ZW10: variants seen among roughly 807,000 people sequenced by gnomAD.
The protein encoded by ZW10 is centromere/kinetochore protein zw10 homolog.
Under a neutral mutation model 87.8 loss-of-function variants are expected in ZW10, and 53 were observed. The ratio of observed to expected loss-of-function variants is 0.60; its 90% CI spans 0.48 to 0.76. ZW10 has a LOEUF of 0.76. Ranked by LOEUF, ZW10 falls within the 30% of genes least tolerant of loss-of-function variation. ZW10 has a pLI of 0.00. For missense variants in ZW10, 837 were observed against 923.0 expected (o/e 0.91, Z 1.21); for synonymous variants, 312 against 329.2 (o/e 0.95, Z 0.57).
Position 113,768,987 on chromosome 11 carries a change from TATATTA to T in ZW10, c.106-26_106-21del, listed in dbSNP as rs1475782272. 6.2e-7 allele frequency: 1 copy of T among 1,610,126 alleles called. No individual in the cohort carries two copies. The highest frequency in any genetic ancestry group is 1.7e-5 in the Admixed American group (1 of 59,776). On this transcript the variant is annotated intron_variant, in intron 1 of 15. Transcript: ENST00000200135. ...CTCACCCTAAAATATAAAACAGAAT[TATATTA>T]AAAGACAGTGAAATGAGTAGAGAAC...
At position 113,747,681 on chromosome 11, in the gene ZW10, G is replaced by A; in HGVS notation, c.1122C>T (p.Ala374=). Residue 374 remains alanine (A), a synonymous_variant, in exon 9 of 16, where the codon GCC becomes GCT. Transcript: ENST00000200135. ...IIQSTEEFEN[A]LKEMRFLKGD... is the part of the protein sequence containing the mutation. ...CTTTTAAAAATCTCATTTCCTTTAGGGCATTTTCAAATTCTTCAGTGGACT... is the reference window on the plus strand; with the variant it reads ...CTTTTAAAAATCTCATTTCCTTTAGAGCATTTTCAAATTCTTCAGTGGACT... 1.2e-6 allele frequency: 2 copies of A among 1,609,006 alleles called. No individual in the cohort carries two copies. Among genetic ancestry groups the A allele is most frequent in the Admixed American group, 1.7e-5 (1 of 59,880 alleles).
chr11:113,766,283 T>A (rs1387901994), intron 2 of ZW10, among the ~76,000 whole-genome samples: 1 of 152,004 alleles, frequency 6.6e-6, no homozygotes, highest in African/African-American at 2.4e-5. Context: ...GAGAATCAAA[T>A]GAGCTCAGGA....
In ZW10 at chr11:113,760,529, G is replaced by A. The variant is rs1365440247; in HGVS notation, c.404C>T (p.Ala135Val). 3.1e-6 allele frequency: 5 copies of A among 1,613,542 alleles called. No homozygotes were observed. The Admixed American group carries it at 8.3e-5, about 27-fold the overall frequency. Residue 135 changes from alanine to valine, a missense_variant, in exon 4 of 16, where the codon GCT becomes GTT. Coordinates refer to ENST00000200135, the MANE Select transcript of ZW10 (RefSeq NM_004724.4). ...ALTEKKYVTG[A>V]QRLEEAQKCL... ...ATTTAGTACCTCTTCCAGACGCTGA[G>A]CACCAGTGACATACTTCTTCTCTGT...
In ZW10 at chr11:113,736,759, G is replaced by T; in HGVS notation, c.2080C>A (p.Pro694Thr). ...TCAGATAAAGGTGCAAATACTTGGG[G>T]TCCTTCATCCATCACTGTTTTGCAT... is the stretch of plus-strand genomic sequence containing the variant. ...SLCKTVMDEG[P>T]QVFAPLSEES... Residue 694 changes from proline to threonine, a missense_variant, in exon 15 of 16, where the codon CCC becomes ACC. Physicochemically the swap from Pro to Thr is conservative, Grantham distance 38. Coordinates refer to ENST00000200135, the MANE Select transcript of ZW10 (RefSeq NM_004724.4). 1 of 1,614,108 alleles carries T rather than the reference G, an allele frequency of 6.2e-7. No individual in the cohort carries two copies. Among genetic ancestry groups the T allele is most frequent in the Middle Eastern group, 1.6e-4 (1 of 6,062 alleles).
intron 1 of ZW10, 95 bp from the exon 2 acceptor site, chr11:113,769,062 T>C: frequency 7.4e-7 from 1 of 1,352,520 alleles, no homozygotes; most frequent in Non-Finnish European, 1.0e-6. Flanking sequence ...TTTTCCATGT[T>C]AGAACCTTCT....
intron 2 of ZW10, among the ~76,000 whole-genome samples, 183 bp downstream of exon 2, chr11:113,768,650 A>C (rs1953931021): frequency 6.6e-6 from 1 of 152,202 alleles, no homozygotes; most frequent in South Asian, 2.1e-4. Context: ...AGTTATTTAA[A>C]TTGCACTTTT....
In ZW10 at chr11:113,748,348, A is replaced by G. The variant is rs1274786222; in HGVS notation, c.998T>C (p.Met333Thr). Residue 333 changes from methionine (M) to threonine (T), a missense_variant, in exon 8 of 16, where the codon ATG becomes ACG. Transcript: ENST00000200135. ...GCACTCAGACAAGTCCTCCCAGATC[A>G]TGTCTCCAAGCATCTCAGCCAATGG... ...TVPLAEMLGDMIWEDLSECLI... is the reference protein window; with the variant it reads ...TVPLAEMLGDTIWEDLSECLI... The G allele has an allele frequency of 6.2e-7, 1 of 1,613,852 alleles. No homozygotes were observed.
intron 7 of ZW10, among the ~76,000 whole-genome samples, chr11:113,752,552 G>A (rs1016015671): frequency 2.0e-5 from 3 of 152,160 alleles, no homozygotes; most frequent in Non-Finnish European, 4.4e-5. Flanking sequence ...ATATATCTGT[G>A]TCACATTTTG....
At chr11:113,737,513 G>C in intron 14 of ZW10, 59 bp downstream of exon 14, 1 of 1,442,556 alleles carries the variant, frequency 6.9e-7, no homozygotes, top group Middle Eastern at 1.9e-4. Flanking sequence ...TCTTAGCAAA[G>C]TCACAATCTG....
At chr11:113,751,604 A>C (rs768057342) in intron 7 of ZW10, among the ~76,000 whole-genome samples, 12 of 152,238 alleles carry the variant, frequency 7.9e-5, no homozygotes, top group Non-Finnish European at 1.5e-4. Flanking sequence ...GGCTGGGCGC[A>C]GTGGCTCACG....
intron 7 of ZW10, among the ~76,000 whole-genome samples, chr11:113,755,957 A>G (rs79179520): frequency 0.085 from 12,875 of 152,276 alleles, 585 homozygotes; most frequent in Middle Eastern, 0.17. Context: ...CTTAATAGAC[A>G]ACAGTACAGT....
At chr11:113,743,720 C>A in intron 10 of ZW10, 82 bp downstream of exon 10, 1 of 1,107,186 alleles carries the variant, frequency 9.0e-7, no homozygotes, top group Non-Finnish European at 1.3e-6. Context: ...CAAAGAATTC[C>A]AGCTAATTTT....
intron 7 of ZW10, among the ~76,000 whole-genome samples, chr11:113,756,467 T>G (rs1301109048): frequency 6.6e-6 from 1 of 152,180 alleles, no homozygotes; most frequent in Non-Finnish European, 1.5e-5. Context: ...ATCAATAAAG[T>G]AGACATTACA....
chr11:113,759,029 GTCAGGCGTGGTAGCACGC>G (rs1953829757), intron 5 of ZW10, among the ~76,000 whole-genome samples: 1 of 152,050 alleles, frequency 6.6e-6, no homozygotes, highest in Non-Finnish European at 1.5e-5. Context: ...TTAAAAATTG[GTCAGGCGTGGTAGCACGC>G]ACCTGTGGTC....
chr11:113,765,431 T>C (rs1268707503), intron 2 of ZW10, among the ~76,000 whole-genome samples: 2 of 152,202 alleles, frequency 1.3e-5, no homozygotes, highest in East Asian at 1.9e-4. Context: ...ACAGAAGTAA[T>C]GTGTACCACT....
intron 7 of ZW10, among the ~76,000 whole-genome samples, chr11:113,755,026 A>G (rs1953768678): frequency 6.6e-6 from 1 of 152,242 alleles, no homozygotes; most frequent in Admixed American, 6.5e-5. Context: ...ATTACTGCTT[A>G]CTGGCAATGC....
chr11:113,739,293 T>C lies in ZW10; in HGVS notation c.1673A>G (p.Gln558Arg). Reference sequence around the variant, plus strand: ...AATGGGGGCAAGACGCAATCTGAACTGATGCCCGAGGGTCAGCAAGTGGTG... The same window carrying C: ...AATGGGGGCAAGACGCAATCTGAACCGATGCCCGAGGGTCAGCAAGTGGTG... Reference protein sequence around the residue: ...IAHHLLTLGHQFRLRLAPILC... With the variant: ...IAHHLLTLGHRFRLRLAPILC... The change falls in exon 12 of 16, where the codon CAG becomes CGG. Residue 558 changes from glutamine (Q) to arginine (R), a missense_variant. Physicochemically the swap from Gln to Arg is conservative, Grantham distance 43. Coordinates refer to ENST00000200135, the MANE Select transcript of ZW10 (RefSeq NM_004724.4). 1 of 1,614,050 alleles carries C rather than the reference T, an allele frequency of 6.2e-7. No individual in the cohort carries two copies. The highest frequency in any genetic ancestry group is 8.5e-7 in the Non-Finnish European group (1 of 1,179,982).
At chr11:113,766,839 A>G (rs1953913125) in intron 2 of ZW10, among the ~76,000 whole-genome samples, 2 of 151,446 alleles carry the variant, frequency 1.3e-5, no homozygotes, top group Admixed American at 1.3e-4. Context: ...CAACATGGTG[A>G]AACCCTGTCT....
Position 113,737,578 on chromosome 11 carries a change from G to A in ZW10, c.2010C>T (p.Ala670=), listed in dbSNP as rs1434525661. 5 of 1,610,924 alleles carry A rather than the reference G, an allele frequency of 3.1e-6. No individual in the cohort carries two copies. Among genetic ancestry groups the A allele is most frequent in the Non-Finnish European group, 4.2e-6 (5 of 1,177,898 alleles). ...AISEVIGKIT[A]LEDISTEDGD... is the part of the protein sequence containing the mutation. ...AGCATCTAATGGCCCTTACCTCTAG[G>A]GCAGTAATTTTGCCAATGACCTCAG... The change falls in exon 14 of 16, where the codon GCC becomes GCT. Residue 670 remains alanine (A), a synonymous_variant. Transcript: ENST00000200135.
Sources: allele counts gnomAD v4.1 joint callset (sites outside exome capture counted in the v4.1 genomes callset), GRCh38; gene constraint gnomAD v4.1.1; transcripts MANE v1.5; gene names NCBI Gene and HGNC (gene_info 2026-07-23, HGNC 2026-07-21).